The following SNX14 variants were observed in gnomAD, a reference collection of about 807,000 sequenced individuals.
SNX14 encodes sorting nexin 14, also known as sorting nexin-14.
Under a neutral mutation model 133.8 loss-of-function variants are expected in SNX14, and 93 were observed. The ratio of observed to expected loss-of-function variants is 0.70; its 90% confidence interval spans 0.59 to 0.83. The LOEUF is 0.83. SNX14 is among the 40% of genes least tolerant of loss of function. SNX14 has a pLI of 0.00. For synonymous variants in SNX14, 368 were observed against 365.6 expected (o/e 1.01, Z -0.07); for missense variants, 945 against 1,094.9 (o/e 0.86, Z 1.93).
chr6:85,571,351 C>T (rs1795510614), intron 4 of SNX14, among the ~76,000 whole-genome samples: 1 of 139,404 alleles, frequency 7.2e-6, no homozygotes, highest in East Asian at 2.1e-4. Context: ...CAGAGCAAGA[C>T]TCCATCTCAA....
chr6:85,561,725 T>C (rs1791673515), intron 6 of SNX14, among the ~76,000 whole-genome samples: 2 of 152,210 alleles, frequency 1.3e-5, no homozygotes, highest in South Asian at 2.1e-4. Flanking sequence ...ATGTCCTTAA[T>C]ATATGTATTA....
intron 27 of SNX14, 92 bp downstream of exon 27, chr6:85,507,876 G>T: frequency 4.5e-6 from 4 of 879,520 alleles, no homozygotes; most frequent in Non-Finnish European, 5.2e-6. Flanking sequence ...TTAGTATAGT[G>T]TCATTTATAC....
At chr6:85,543,142 T>G (rs757725205) in intron 14 of SNX14, 40 bp downstream of exon 14, 9 of 1,453,512 alleles carry the variant, frequency 6.2e-6, no homozygotes, top group Non-Finnish European at 8.2e-6. Context: ...TATTAAATTA[T>G]GTATAAAAAT....
Position 85,519,595 on chromosome 6 carries a change from G to T in SNX14, c.2108-1547C>A, listed in dbSNP as rs113922400. 8.1e-3 allele frequency among the ~76,000 whole-genome samples: 1,236 copies of T among 152,198 alleles called. 17 individuals are homozygous for T. Among genetic ancestry groups the T allele is most frequent in the African/African-American group, 0.028 (1,165 of 41,544 alleles). On this transcript the variant is annotated intron_variant, in intron 21 of 28. Coordinates refer to ENST00000314673, the MANE Select transcript of SNX14 (RefSeq NM_153816.6). ...AGTGAACTATGATTGTGTTGGCTGG[G>T]CGTGGTGGCTCACGCCTGTAATCCC... is the stretch of plus-strand genomic sequence containing the variant.
In SNX14 at chr6:85,514,584, T is replaced by C. The variant is rs1376799877; in HGVS notation, c.2314A>G (p.Thr772Ala). ...FKNNANRAEN[T>A]ERKQNQNYFM... ...TAATTCTGATTTTGCTTTCTCTCTG[T>C]ATTTTCAGCACGGTTTGCATTATTT... The change falls in exon 24 of 29, where the codon ACA (threonine) becomes GCA (alanine). Residue 772 changes from threonine (T) to alanine (A), a missense_variant. By Grantham distance (58) the Thr-to-Ala change is moderately conservative. This residue lies in a region of SNX14 where 412 missense variants were observed against 516.6 expected (regional missense o/e 0.80). Coordinates refer to ENST00000314673, the MANE Select transcript of SNX14 (RefSeq NM_153816.6). 1.2e-6 allele frequency: 2 copies of C among 1,613,148 alleles called. No individual in the cohort carries two copies. Among genetic ancestry groups the C allele is most frequent in the Non-Finnish European group, 1.7e-6 (2 of 1,179,542 alleles).
chr6:85,556,481 T>TC (rs1789845699), intron 7 of SNX14, among the ~76,000 whole-genome samples: 1 of 151,350 alleles, frequency 6.6e-6, no homozygotes. Context: ...TCTTTTTTTT[T>TC]TTTTTTTGAG....
intron 6 of SNX14, among the ~76,000 whole-genome samples, chr6:85,563,608 G>A (rs1281858005): frequency 6.6e-6 from 1 of 152,104 alleles, no homozygotes. Context: ...GGCCAGGCTG[G>A]TCTTGAACTC....
At chr6:85,560,192 G>A (rs1034324511) in intron 6 of SNX14, among the ~76,000 whole-genome samples, 1 of 152,092 alleles carries the variant, frequency 6.6e-6, no homozygotes, top group South Asian at 2.1e-4. Context: ...GTATACAAAT[G>A]CTAACAGGTA....
chr6:85,536,740 G>A, intron 17 of SNX14, 52 bp downstream of exon 17: 2 of 1,544,194 alleles, frequency 1.3e-6, no homozygotes, highest in Non-Finnish European at 1.8e-6. Flanking sequence ...TAATTTTTAT[G>A]TCATAGTAAG....
chr6:85,588,400 C>T (rs575898806), intron 1 of SNX14, among the ~76,000 whole-genome samples: 5 of 151,934 alleles, frequency 3.3e-5, no homozygotes, highest in African/African-American at 9.6e-5. Flanking sequence ...GGTGAAACCC[C>T]GTCTCTACTA....
chr6:85,555,433 T>TA (rs1789374215), intron 7 of SNX14, among the ~76,000 whole-genome samples: 1 of 152,152 alleles, frequency 6.6e-6, no homozygotes. Context: ...TATGAAAAGA[T>TA]AGAGGTTAAA....
At chr6:85,588,850 A>G (rs575247718) in intron 1 of SNX14, 20 of 454,328 alleles carry the variant, frequency 4.4e-5, no homozygotes, top group South Asian at 2.6e-4. Context: ...TAAGGAAGAG[A>G]AAATATATTT....
At position 85,557,987 on chromosome 6, in the gene SNX14, G is replaced by T; in HGVS notation, c.623C>A (p.Ala208Asp). Residue 208 changes from alanine (A) to aspartate (D), a missense_variant, in exon 7 of 29, where the codon GCC becomes GAC. Physicochemically the swap from Ala to Asp is moderately radical, Grantham distance 126 (BLOSUM62 -2). Transcript: ENST00000314673. ...GAAAACTGTATTACCTTTCTGTCTGGCTTTAACTATCACTTCTATATGCTT... is the reference window on the plus strand; with the variant it reads ...GAAAACTGTATTACCTTTCTGTCTGTCTTTAACTATCACTTCTATATGCTT... ...AMKHIEVIVK[A>D]RQKVKNTEFL... 6.3e-7 allele frequency: 1 copy of T among 1,588,180 alleles called. No individual in the cohort carries two copies. The highest frequency in any genetic ancestry group is 8.6e-7 in the Non-Finnish European group (1 of 1,161,068).
At chr6:85,565,102 A>C (rs1793335061) in intron 6 of SNX14, among the ~76,000 whole-genome samples, 1 of 92,214 alleles carries the variant, frequency 1.1e-5, no homozygotes, top group African/African-American at 4.2e-5. Flanking sequence ...TTGTACATTT[A>C]AAAGTAACTG....
At chr6:85,515,402 T>TG (rs908223632) in intron 23 of SNX14, among the ~76,000 whole-genome samples, 8 of 142,810 alleles carry the variant, frequency 5.6e-5, no homozygotes, top group African/African-American at 1.3e-4. Context: ...AATGTTGGGG[T>TG]GGGGGGGAAC....
intron 20 of SNX14, among the ~76,000 whole-genome samples, chr6:85,527,387 A>C (rs1335509390): frequency 4.1e-5 from 3 of 72,354 alleles, no homozygotes; most frequent in African/African-American, 2.2e-4. Context: ...GAAGATACCT[A>C]TATATATATA....
At chr6:85,547,633 G>A (rs1014903305) in intron 9 of SNX14, 83 bp from the exon 10 acceptor site, 10 of 1,181,414 alleles carry the variant, frequency 8.5e-6, no homozygotes, top group African/African-American at 1.5e-5. Context: ...ATCATATTAT[G>A]TAAGTTTCTA....
chr6:85,541,926 A>G, intron 15 of SNX14, 59 bp downstream of exon 15: 2 of 1,265,360 alleles, frequency 1.6e-6, no homozygotes, highest in Middle Eastern at 3.8e-4. Context: ...AATAAAGACA[A>G]TGATGCTATC....
At chr6:85,509,381 A>G (rs1184777302) in intron 26 of SNX14, among the ~76,000 whole-genome samples, 1 of 152,212 alleles carries the variant, frequency 6.6e-6, no homozygotes, top group Admixed American at 6.5e-5. Context: ...ATTTACTCAA[A>G]AACAGCTTAT....
Sources: gnomAD v4.1 joint callset for allele counts (sites outside exome capture counted in the v4.1 genomes callset) on GRCh38, gnomAD v4.1.1 for gene constraint, gnomAD v4.1.1 regional missense constraint, MANE v1.5 for transcripts, NCBI Gene and HGNC (gene_info 2026-07-23, HGNC 2026-07-21) for gene names.